Variants in CNTLN observed in about 807,000 individuals in gnomAD.
CNTLN encodes centlein, centrosomal protein.
In CNTLN, 212 loss-of-function variants were observed where a neutral mutation model predicts 180.0. The ratio of observed to expected loss-of-function variants is 1.18; its 90% CI spans 1.05 to 1.32. The LOEUF is 1.32. Ranked by LOEUF, CNTLN falls within the 40% of genes most tolerant of loss-of-function variation. The probability of loss-of-function intolerance (pLI) is 0.00; values close to 1 mark genes in which losing one functional copy is unlikely to be tolerated. For missense variants in CNTLN, 2,095 were observed against 1,610.9 expected, an observed-to-expected ratio of 1.30 and a Z score of -5.14; for synonymous variants, 722 against 563.1, an observed-to-expected ratio of 1.28 and a Z score of -3.99.
At chr9:17,497,245 T>C (rs926309557) in intron 25 of CNTLN, among the ~76,000 whole-genome samples, 1 of 152,240 alleles carries the variant, frequency 6.6e-6, no homozygotes, top group Admixed American at 6.5e-5. Flanking sequence ...AACTCCCAGC[T>C]GCTGAGGAGC....
At chr9:17,366,806 T>C in intron 13 of CNTLN, 89 bp downstream of exon 13, 1 of 753,420 alleles carries the variant, frequency 1.3e-6, no homozygotes, top group South Asian at 1.7e-5. Flanking sequence ...TTAAGAATCT[T>C]ACCCTTTTTG....
intron 13 of CNTLN, among the ~76,000 whole-genome samples, chr9:17,383,279 A>C (rs918475249): frequency 4.6e-5 from 7 of 152,026 alleles, no homozygotes; most frequent in African/African-American, 1.7e-4. Context: ...CTGTAATCCC[A>C]AGATTTTGAG....
intron 2 of CNTLN, among the ~76,000 whole-genome samples, chr9:17,151,783 C>G (rs967842840): frequency 2.6e-5 from 4 of 152,170 alleles, no homozygotes; most frequent in East Asian, 1.9e-4. Flanking sequence ...GTGAATCCAT[C>G]TAGTCCTTGA....
rs1010093201 is a variant in CNTLN, at chr9:17,466,067, G to T, written c.3618G>T (p.Lys1206Asn). 6.2e-7 allele frequency: 1 copy of T among 1,606,394 alleles called. No individual in the cohort carries two copies. Among genetic ancestry groups the T allele is most frequent in the African/African-American group, 1.3e-5 (1 of 74,454 alleles). ...KQRLNVAVKE[K>N]SQYEQMYQKS... is the part of the protein sequence containing the mutation. ...GACTTAACGTTGCTGTAAAAGAAAA[G>T]TCACAGTATGAACAGATGTATCAGA... is the stretch of plus-strand genomic sequence containing the variant. The change falls in exon 22 of 26, where the codon AAG becomes AAT. Residue 1206 changes from lysine (K) to asparagine (N), a missense_variant. Coordinates refer to ENST00000380647, the MANE Select transcript of CNTLN (RefSeq NM_017738.4).
At chr9:17,451,729 G>A (rs192090497) in intron 18 of CNTLN, among the ~76,000 whole-genome samples, 2 of 152,170 alleles carry the variant, frequency 1.3e-5, no homozygotes, top group East Asian at 3.9e-4. Context: ...AGTGTCTCTG[G>A]CATTCCACCT....
chr9:17,506,906 G>A (rs549424674), downstream of CNTLN, among the ~76,000 whole-genome samples: 7 of 152,114 alleles, frequency 4.6e-5, no homozygotes, highest in Admixed American at 2.0e-4. Context: ...CAATGCATGC[G>A]TACATTGGGT....
In CNTLN at chr9:17,182,296, G is replaced by T. The variant is rs142803269; in HGVS notation, c.449+38920G>T. Among the ~76,000 whole-genome samples the T allele has an allele frequency of 3.7e-3, 568 of 151,954 alleles. 2 individuals carry two copies. Among genetic ancestry groups the T allele is most frequent in the African/African-American group, 0.012 (506 of 41,448 alleles). On this transcript the variant is annotated intron_variant, in intron 2 of 25. Transcript: ENST00000380647. ...CTTTCGTTGAGGCTTTTTTCTTTCT[G>T]TACTTAGTGGTGTTTCTAGGTTGTC...
intron 2 of CNTLN, among the ~76,000 whole-genome samples, chr9:17,182,030 C>G (rs2131733870): frequency 1.3e-5 from 2 of 152,272 alleles, no homozygotes; most frequent in Middle Eastern, 6.8e-3. Flanking sequence ...AAAGTCCTGG[C>G]TCTCCACTTG....
chr9:17,294,037 C>G (rs1817606835), intron 6 of CNTLN, among the ~76,000 whole-genome samples: 1 of 152,110 alleles, frequency 6.6e-6, no homozygotes, highest in Admixed American at 6.5e-5. Context: ...AGCGGCGTGT[C>G]CGGAGTTTGT....
intron 5 of CNTLN, among the ~76,000 whole-genome samples, chr9:17,247,494 A>G (rs762696639): frequency 6.6e-6 from 1 of 152,126 alleles, no homozygotes; most frequent in Non-Finnish European, 1.5e-5. Flanking sequence ...CCATGCAGCT[A>G]CTGTTGGGGG....
rs550056669 is a variant in CNTLN at position 17,165,103 on chromosome 9, G to A, written c.449+21727G>A. Among the ~76,000 whole-genome samples the A allele has an allele frequency of 4.6e-5, 7 of 152,190 alleles. No individual in the cohort carries two copies. The East Asian group carries it at 1.4e-3, about 29-fold the overall frequency. On this transcript the variant is annotated intron_variant, in intron 2 of 25. Transcript: ENST00000380647. Reference sequence around the variant, plus strand: ...TCCATCCTCCTTGGCCTCCCAAAGTGCTGGGATTACAGGCGTGACCCATTG... The same window carrying A: ...TCCATCCTCCTTGGCCTCCCAAAGTACTGGGATTACAGGCGTGACCCATTG...
chr9:17,443,035 G>A (rs936741556), intron 18 of CNTLN, among the ~76,000 whole-genome samples: 2 of 151,452 alleles, frequency 1.3e-5, no homozygotes, highest in South Asian at 2.1e-4. Flanking sequence ...CTGTTAAAAG[G>A]TGTCTACCAA....
chr9:17,394,025 C>T (rs983388803), intron 14 of CNTLN, among the ~76,000 whole-genome samples: 4 of 151,908 alleles, frequency 2.6e-5, no homozygotes, highest in African/African-American at 9.7e-5. Context: ...AAACTGTTCC[C>T]TTATCACATA....
At chr9:17,524,739 A>G in the CNTLN span, among the ~76,000 whole-genome samples, 1 of 152,252 alleles carries the variant, frequency 6.6e-6, no homozygotes, top group Non-Finnish European at 1.5e-5. Flanking sequence ...ATTATGATTC[A>G]GTAGCTCTAT....
At chr9:17,455,856 A>C (rs916339087) in intron 18 of CNTLN, among the ~76,000 whole-genome samples, 3 of 150,468 alleles carry the variant, frequency 2.0e-5, no homozygotes, top group African/African-American at 7.4e-5. Context: ...GTGATGCCTG[A>C]CTGCAACACA....
chr9:17,312,364 T>TA (rs369729227), intron 8 of CNTLN, among the ~76,000 whole-genome samples: 2,364 of 18,496 alleles, frequency 0.13, 65 homozygotes, highest in African/African-American at 0.23. Flanking sequence ...TATATATATA[T>TA]TATATATATA....
intron 18 of CNTLN, among the ~76,000 whole-genome samples, chr9:17,417,292 A>G (rs1828332390): frequency 6.6e-6 from 1 of 152,066 alleles, no homozygotes; most frequent in Non-Finnish European, 1.5e-5. Flanking sequence ...TCTCTTTAAT[A>G]TCCTCTCTTT....
intron 10 of CNTLN, among the ~76,000 whole-genome samples, chr9:17,339,596 A>G (rs535198834): frequency 1.1e-3 from 168 of 152,226 alleles, no homozygotes; most frequent in Non-Finnish European, 2.2e-3. Flanking sequence ...GCCTACTCAT[A>G]TCACCTCACT....
chr9:17,268,120 TAG>T (rs1325135754), intron 5 of CNTLN, among the ~76,000 whole-genome samples: 1 of 152,226 alleles, frequency 6.6e-6, no homozygotes, highest in Admixed American at 6.5e-5. Flanking sequence ...CTCTGGTTTT[TAG>T]AGTTTCCAGT....
Sources: allele counts gnomAD v4.1 joint callset (sites outside exome capture counted in the v4.1 genomes callset), GRCh38; gene constraint gnomAD v4.1.1; transcripts MANE v1.5; gene names NCBI Gene and HGNC (gene_info 2026-07-23, HGNC 2026-07-21).